Variants in SPADH observed in about 807,000 individuals in gnomAD.
SPADH encodes the protein spermadhesin family member, also known as CUB domain-containing protein.
At chr10:122,676,226 T>G in the SPADH span, among the ~76,000 whole-genome samples, 2 of 152,160 alleles carry the variant, frequency 1.3e-5, no homozygotes, top group Admixed American at 1.3e-4. Flanking sequence ...ACAAGCTAAG[T>G]GCTTTAGAAA....
the SPADH span, chr10:122,676,894 G>T: frequency 1.0e-6 from 1 of 985,244 alleles, no homozygotes; most frequent in Non-Finnish European, 1.2e-6. Flanking sequence ...GACCTCAAGT[G>T]AGTACTGGGG....
the SPADH span, among the ~76,000 whole-genome samples, chr10:122,677,740 C>T: frequency 2.0e-5 from 3 of 152,158 alleles, no homozygotes; most frequent in Admixed American, 6.5e-5. Flanking sequence ...CTCAGAATCC[C>T]ACTACGTTAT....
chr10:122,677,029 T>C, the SPADH span: 1 of 506,598 alleles, frequency 2.0e-6, no homozygotes, highest in Non-Finnish European at 2.5e-6. Flanking sequence ...TTTCACTTCC[T>C]GTTGAAAGCT....
At chr10:122,673,344 G>A in the SPADH span, among the ~76,000 whole-genome samples, 1 of 152,186 alleles carries the variant, frequency 6.6e-6, no homozygotes, top group Admixed American at 6.5e-5. Context: ...AATGTGTCTG[G>A]GGACTTCTGA....
chr10:122,674,875 A>C, the SPADH span, among the ~76,000 whole-genome samples: 8,751 of 152,172 alleles, frequency 0.058, 349 homozygotes, highest in East Asian at 0.12. Context: ...AGAGTTAAAA[A>C]CTTTGTCCAA....
chr10:122,674,113 GA>G, the SPADH span, among the ~76,000 whole-genome samples: 1 of 152,226 alleles, frequency 6.6e-6, no homozygotes, highest in Non-Finnish European at 1.5e-5. Context: ...ACAACTTGAT[GA>G]AAAAGAGGGA....
chr10:122,675,870 T>G, the SPADH span, among the ~76,000 whole-genome samples: 1 of 152,030 alleles, frequency 6.6e-6, no homozygotes. Context: ...ATGAGACTCC[T>G]CCCAACTTCC....
At chr10:122,676,771 G>C in the SPADH span, 90,573 of 985,218 alleles carry the variant, frequency 0.092, 4,351 homozygotes, top group Middle Eastern at 0.12. Context: ...AGTGACTGTG[G>C]GGGCCACTAC....
the SPADH span, chr10:122,679,106 T>C: frequency 1.4e-6 from 1 of 728,114 alleles, no homozygotes; most frequent in Admixed American, 6.3e-5. Flanking sequence ...CTGAGCCTGG[T>C]TCTGCATATG....
At chr10:122,674,091 A>G in the SPADH span, among the ~76,000 whole-genome samples, 1 of 152,384 alleles carries the variant, frequency 6.6e-6, no homozygotes, top group Middle Eastern at 3.4e-3. Context: ...GGTGAAATCA[A>G]GAGACACAAA....
the SPADH span, among the ~76,000 whole-genome samples, chr10:122,674,804 A>C: frequency 0.012 from 1,784 of 152,354 alleles, 62 homozygotes; most frequent in East Asian, 0.11. Flanking sequence ...ACCCAGCTTC[A>C]TCCTGTAAGG....
At chr10:122,673,161 G>A in the SPADH span, among the ~76,000 whole-genome samples, 1 of 152,216 alleles carries the variant, frequency 6.6e-6, no homozygotes, top group African/African-American at 2.4e-5. Flanking sequence ...CTGGGTTCCT[G>A]AGTTCCCGGT....
chr10:122,678,285 C>T, the SPADH span, among the ~76,000 whole-genome samples: 1 of 152,132 alleles, frequency 6.6e-6, no homozygotes, highest in Non-Finnish European at 1.5e-5. Flanking sequence ...TTGTCTCTCA[C>T]AGGATGGAGA....
At chr10:122,675,701 C>T in the SPADH span, 3 of 952,186 alleles carry the variant, frequency 3.2e-6, no homozygotes, top group South Asian at 1.5e-4. Context: ...TACCCTCTTT[C>T]CCTTGCCTCA....
the SPADH span, among the ~76,000 whole-genome samples, chr10:122,674,747 T>A: frequency 1.3e-5 from 2 of 152,258 alleles, no homozygotes; most frequent in African/African-American, 4.8e-5. Flanking sequence ...ACAGATCAGG[T>A]GTATGCCAGG....
the SPADH span, chr10:122,676,941 A>G: frequency 1.9e-5 from 19 of 983,650 alleles, no homozygotes; most frequent in Non-Finnish European, 2.2e-5. Flanking sequence ...TATTTCTAGG[A>G]AAGATCCCAT....
At chr10:122,673,953 C>T in the SPADH span, among the ~76,000 whole-genome samples, 1 of 152,234 alleles carries the variant, frequency 6.6e-6, no homozygotes, top group Non-Finnish European at 1.5e-5. Flanking sequence ...ACATTTCCAA[C>T]TCAGATAACA....
chr10:122,677,120 T>G, the SPADH span, among the ~76,000 whole-genome samples: 1 of 152,234 alleles, frequency 6.6e-6, no homozygotes, highest in Non-Finnish European at 1.5e-5. Context: ...TTCTCTTCTC[T>G]GCTCACTTCT....
At chr10:122,677,804 G>A in the SPADH span, among the ~76,000 whole-genome samples, 16 of 152,106 alleles carry the variant, frequency 1.1e-4, no homozygotes, top group Non-Finnish European at 1.9e-4. Flanking sequence ...CAAATACGGG[G>A]CTTAAACTGT....
Sources: gnomAD v4.1 joint callset for allele counts (sites outside exome capture counted in the v4.1 genomes callset) on GRCh38, gnomAD v4.1.1 for gene constraint, MANE v1.5 for transcripts, NCBI Gene and HGNC (gene_info 2026-07-23, HGNC 2026-07-21) for gene names.